The following SOS1 variants were observed in gnomAD, a reference collection of about 807,000 sequenced individuals.
SOS1 encodes son of sevenless homolog 1.
In SOS1, 25 loss-of-function variants were observed where a neutral mutation model predicts 157.6. The ratio of observed to expected loss-of-function variants is 0.16; its 90% confidence interval spans 0.12 to 0.22. The LOEUF is 0.22. Among genes scored for constraint, SOS1 ranks in the 10% least tolerant of loss-of-function variants. The pLI is 1.00. For synonymous variants in SOS1, 528 were observed against 534.0 expected (o/e 0.99, Z 0.16); for missense variants, 1,237 against 1,599.1 (o/e 0.77, Z 3.86).
chr2:39,074,077 C>T (rs539190856), intron 1 of SOS1, among the ~76,000 whole-genome samples: 12 of 152,138 alleles, frequency 7.9e-5, no homozygotes, highest in South Asian at 4.2e-4. Context: ...GGGCTGGGCG[C>T]GGTGGCCTAC....
chr2:39,038,704 A>G (rs190213622), intron 6 of SOS1, among the ~76,000 whole-genome samples: 1 of 112,640 alleles, frequency 8.9e-6, no homozygotes, highest in East Asian at 2.7e-4. Context: ...ACTGCACTCC[A>G]GCCTGGCAAC....
rs565007701 is a variant in SOS1, at chr2:39,004,667, A to G, written c.2791+1745T>C. ...GAAACAATAGAAACCAGAATGAGAA[A>G]GGACAGATGGTAGAATTTAAAACTA... On this transcript the variant is annotated intron_variant, in intron 17 of 22. Transcript: ENST00000402219. Among the ~76,000 whole-genome samples the G allele has an allele frequency of 2.6e-5, 4 of 152,288 alleles. No individual in the cohort carries two copies. In the East Asian group the frequency reaches 5.8e-4, roughly 22 times the overall value.
At chr2:39,068,838 T>G (rs942616976) in intron 1 of SOS1, among the ~76,000 whole-genome samples, 1 of 152,134 alleles carries the variant, frequency 6.6e-6, no homozygotes, top group Non-Finnish European at 1.5e-5. Flanking sequence ...TTGCATCCCT[T>G]TGTTCCTCCC....
At chr2:38,995,488 T>C in intron 19 of SOS1, 101 bp from the exon 20 acceptor site, 3 of 872,424 alleles carry the variant, frequency 3.4e-6, no homozygotes, top group Middle Eastern at 6.3e-4. Flanking sequence ...TACAGGAAAA[T>C]CATAAATCAC....
intron 1 of SOS1, among the ~76,000 whole-genome samples, chr2:39,096,727 T>C (rs1224124304): frequency 1.3e-5 from 2 of 151,884 alleles, no homozygotes; most frequent in Non-Finnish European, 2.9e-5. Flanking sequence ...CTACTAAAAA[T>C]ACAAAAAAAT....
intron 14 of SOS1, among the ~76,000 whole-genome samples, chr2:39,011,298 A>G (rs982531640): frequency 2.0e-5 from 3 of 152,204 alleles, no homozygotes; most frequent in Admixed American, 1.3e-4. Flanking sequence ...AGACTCCTCC[A>G]TAATATCTTT....
At chr2:39,084,730 A>G (rs900374540) in intron 1 of SOS1, among the ~76,000 whole-genome samples, 56 of 152,374 alleles carry the variant, frequency 3.7e-4, no homozygotes, top group African/African-American at 1.3e-3. Flanking sequence ...AACTATACAC[A>G]TCAAATTCCA....
chr2:39,068,579 T>C (rs371288238), intron 1 of SOS1, among the ~76,000 whole-genome samples: 1 of 152,216 alleles, frequency 6.6e-6, no homozygotes, highest in Non-Finnish European at 1.5e-5. Flanking sequence ...TAAATAGTAT[T>C]TGTGAACACA....
chr2:39,061,856 A>C (rs557400000), intron 2 of SOS1, among the ~76,000 whole-genome samples: 1 of 152,322 alleles, frequency 6.6e-6, no homozygotes, highest in Admixed American at 6.5e-5. Flanking sequence ...TGAGATACAG[A>C]GCTAAGCTGA....
At chr2:39,114,754 GT>G (rs1673583717) in intron 1 of SOS1, among the ~76,000 whole-genome samples, 1 of 152,014 alleles carries the variant, frequency 6.6e-6, no homozygotes, top group African/African-American at 2.4e-5. Context: ...GCACCACCAC[GT>G]CAGGCTAATT....
intron 20 of SOS1, 114 bp from the exon 21 acceptor site, chr2:38,989,428 G>C (rs1243747149): frequency 5.5e-6 from 4 of 720,756 alleles, no homozygotes; most frequent in African/African-American, 3.5e-5. Context: ...TTTAAAGAAT[G>C]CTGTAACAGT....
intron 6 of SOS1, among the ~76,000 whole-genome samples, chr2:39,050,335 T>C (rs1052187860): frequency 2.6e-5 from 4 of 152,196 alleles, no homozygotes; most frequent in Non-Finnish European, 4.4e-5. Flanking sequence ...TCTCGTGGTA[T>C]CTGAATCACC....
chr2:39,124,461 G>C (rs549128196), upstream of SOS1: 1 of 152,448 alleles, frequency 6.6e-6, no homozygotes, highest in East Asian at 1.9e-4. Context: ...GGCTAGCCGA[G>C]TTCCGAGCGC....
intron 1 of SOS1, among the ~76,000 whole-genome samples, chr2:39,082,066 T>C (rs1358397108): frequency 6.6e-6 from 1 of 152,164 alleles, no homozygotes; most frequent in African/African-American, 2.4e-5. Flanking sequence ...AATCCAATTA[T>C]ACTTTCAGTT....
chr2:39,042,791 A>G lies in SOS1; in HGVS notation c.865-7291T>C, dbSNP rs916998917. 2.3e-5 allele frequency among the ~76,000 whole-genome samples: 3 copies of G among 133,074 alleles called. No individual in the cohort carries two copies. In the Admixed American group the frequency reaches 2.3e-4, roughly 10 times the overall value. 87.3% of individuals were successfully genotyped at this position (133,074 alleles called of 152,430 possible). A position where few individuals can be genotyped will look rare whatever the true frequency, so the allele number is the denominator to read the frequency against. On this transcript the variant is annotated intron_variant, in intron 6 of 22. Transcript: ENST00000402219. ...TTATTTCCAGGTACTTTATGGTCTT[A>G]TTTCTATAGTGAATGCAGTCTTTAA... is the stretch of plus-strand genomic sequence containing the variant.
Position 39,051,219 on chromosome 2 carries a change from T to C in SOS1, c.789A>G (p.Ile263Met). Residue 263 changes from isoleucine (I) to methionine (M), a missense_variant, in exon 6 of 23, where the codon ATA becomes ATG. Ile to Met is a conservative substitution (Grantham distance 10, BLOSUM62 1). Around this residue, in one of 15 missense-constraint regions of SOS1, gnomAD observed 108 missense variants for 115.3 expected, o/e 0.94. Coordinates refer to ENST00000402219, the MANE Select transcript of SOS1 (RefSeq NM_005633.4). ...HELSVKLLGH[I>M]EDTVEMTDEG... ...CATCTGTCATTTCTACTGTATCTTC[T>C]ATATGGCCCAGTAACTTTACACTAA... is the stretch of plus-strand genomic sequence containing the variant. The C allele has an allele frequency of 6.2e-7, 1 of 1,612,868 alleles. No homozygotes were observed. Among genetic ancestry groups the C allele is most frequent in the Non-Finnish European group, 8.5e-7 (1 of 1,178,882 alleles).
intron 1 of SOS1, among the ~76,000 whole-genome samples, chr2:39,104,907 G>A (rs75054044): frequency 5.1e-4 from 77 of 152,316 alleles, no homozygotes; most frequent in African/African-American, 1.8e-3. Context: ...ACTAGGGATT[G>A]GGAAAGAATA....
chr2:39,059,110 A>G (rs1671314431), intron 2 of SOS1, among the ~76,000 whole-genome samples: 1 of 152,166 alleles, frequency 6.6e-6, no homozygotes, highest in African/African-American at 2.4e-5. Context: ...GTACTTGTAT[A>G]AAATTTCAAG....
rs141309255 is a variant in SOS1 at position 39,097,559 on chromosome 2, CT to C, written c.87+22776del. On this transcript the variant is annotated intron_variant, in intron 1 of 22. Transcript: ENST00000402219. ...CTAAAGCACAAGACCTCTTTTTTTTCTTTTTTTTTTTTTATTGAGATGGGGT... is the reference window on the plus strand; with the variant it reads ...CTAAAGCACAAGACCTCTTTTTTTTCTTTTTTTTTTTTATTGAGATGGGGT... 3.9e-3 allele frequency among the ~76,000 whole-genome samples: 557 copies of C among 143,436 alleles called. 1 individual carries two copies. Among genetic ancestry groups the C allele is most frequent in the African/African-American group, 8.1e-3 (320 of 39,506 alleles). The allele number at this position is 143,436 out of a possible 152,430, so 94.1% of individuals were successfully genotyped here.
Sources: allele counts gnomAD v4.1 joint callset (sites outside exome capture counted in the v4.1 genomes callset), GRCh38; gene constraint gnomAD v4.1.1; regional missense constraint gnomAD v4.1.1; transcripts MANE v1.5; gene names NCBI Gene and HGNC (gene_info 2026-07-23, HGNC 2026-07-21).